The following CNTNAP2 variants were observed in gnomAD, a reference collection of about 807,000 sequenced individuals.
CNTNAP2 encodes the protein contactin associated protein 2, also known as contactin-associated protein-like 2.
In CNTNAP2, 98 loss-of-function variants were observed where a neutral mutation model predicts 155.2. That is an observed-to-expected ratio of 0.63 (90% confidence interval 0.54 to 0.75). CNTNAP2 has a LOEUF of 0.75. Ranked by LOEUF, CNTNAP2 falls within the 30% of genes least tolerant of loss-of-function variation. The pLI is 0.00. For synonymous variants in CNTNAP2, 651 were observed against 631.2 expected (o/e 1.03, Z -0.47); for missense variants, 1,727 against 1,688.1 (o/e 1.02, Z -0.40).
At chr7:146,147,409 A>G (rs1268569189) in intron 1 of CNTNAP2, among the ~76,000 whole-genome samples, 1 of 152,164 alleles carries the variant, frequency 6.6e-6, no homozygotes, top group South Asian at 2.1e-4. Context: ...AAAGGCCATT[A>G]TAGGTGGATG....
At chr7:147,426,737 G>T (rs780480658) in intron 10 of CNTNAP2, among the ~76,000 whole-genome samples, 3 of 152,156 alleles carry the variant, frequency 2.0e-5, no homozygotes, top group Admixed American at 6.5e-5. Context: ...ATCTGGGAAT[G>T]AATCTGCTTT....
intron 8 of CNTNAP2, among the ~76,000 whole-genome samples, chr7:147,201,652 A>T (rs1802924965): frequency 1.3e-5 from 2 of 152,164 alleles, no homozygotes; most frequent in African/African-American, 2.4e-5. Context: ...GTCACTGGGA[A>T]CTAATTGGAA....
chr7:148,077,168 G>A (rs184366909), intron 15 of CNTNAP2, among the ~76,000 whole-genome samples: 165 of 152,170 alleles, frequency 1.1e-3, no homozygotes, highest in Non-Finnish European at 2.1e-3. Context: ...TTAGCCAGGT[G>A]TGGGGGTACA....
chr7:147,748,750 G>A (rs1344063409), intron 13 of CNTNAP2, among the ~76,000 whole-genome samples: 3 of 152,180 alleles, frequency 2.0e-5, no homozygotes, highest in African/African-American at 4.8e-5. Context: ...TGGGTCCCAT[G>A]CCACTTCCTG....
chr7:148,278,014 C>A (rs887695192), intron 21 of CNTNAP2, among the ~76,000 whole-genome samples: 1 of 152,136 alleles, frequency 6.6e-6, no homozygotes, highest in Non-Finnish European at 1.5e-5. Flanking sequence ...CACGAGAGAA[C>A]AAGCCACTCA....
chr7:147,078,335 A>C (rs557335673), intron 4 of CNTNAP2, among the ~76,000 whole-genome samples: 57 of 152,334 alleles, frequency 3.7e-4, no homozygotes, highest in African/African-American at 1.3e-3. Context: ...CAAATTCAAT[A>C]CTTTTTTTGT....
At chr7:146,246,182 G>A (rs1025125055) in intron 1 of CNTNAP2, among the ~76,000 whole-genome samples, 3 of 151,594 alleles carry the variant, frequency 2.0e-5, no homozygotes, top group Non-Finnish European at 4.4e-5. Flanking sequence ...GGTAAGGGGT[G>A]CATGATCGGT....
intron 1 of CNTNAP2, among the ~76,000 whole-genome samples, chr7:146,482,823 A>G (rs982883090): frequency 6.6e-6 from 1 of 152,150 alleles, no homozygotes; most frequent in African/African-American, 2.4e-5. Flanking sequence ...GATTGAATAA[A>G]TAGATATCAT....
intron 8 of CNTNAP2, among the ~76,000 whole-genome samples, chr7:147,292,451 A>C (rs1584851076): frequency 6.6e-6 from 1 of 152,256 alleles, no homozygotes; most frequent in African/African-American, 2.4e-5. Flanking sequence ...TATTTTGAAT[A>C]TTTAAGGATT....
At chr7:146,732,327 T>A (rs182173603) in intron 1 of CNTNAP2, among the ~76,000 whole-genome samples, 6 of 152,298 alleles carry the variant, frequency 3.9e-5, no homozygotes, top group African/African-American at 1.4e-4. Context: ...CTTCACATGT[T>A]ATGACTTTGT....
chr7:148,195,974 T>G (rs1439880821), intron 18 of CNTNAP2, among the ~76,000 whole-genome samples: 1 of 152,244 alleles, frequency 6.6e-6, no homozygotes, highest in Non-Finnish European at 1.5e-5. Flanking sequence ...AGTGGGAATT[T>G]ATAAATGCCT....
intron 1 of CNTNAP2, among the ~76,000 whole-genome samples, chr7:146,544,318 A>C (rs1797996807): frequency 6.6e-6 from 1 of 151,890 alleles, no homozygotes; most frequent in African/African-American, 2.4e-5. Context: ...CTTCTTACCT[A>C]TTTAGGCATT....
At chr7:147,378,037 T>C (rs778188808) in intron 9 of CNTNAP2, 1 of 468,234 alleles carries the variant, frequency 2.1e-6, no homozygotes, top group African/African-American at 2.0e-5. Context: ...ATTAATATTG[T>C]TCCAAAAGTA....
At chr7:147,253,715 T>C (rs568434812) in intron 8 of CNTNAP2, among the ~76,000 whole-genome samples, 32 of 152,338 alleles carry the variant, frequency 2.1e-4, no homozygotes, top group Admixed American at 1.6e-3. Flanking sequence ...AGAGCCTTTC[T>C]TCCAGGCAGC....
chr7:147,438,309 T>C (rs1797584868), intron 10 of CNTNAP2, among the ~76,000 whole-genome samples: 1 of 152,054 alleles, frequency 6.6e-6, no homozygotes, highest in African/African-American at 2.4e-5. Context: ...TTTTGAGAGT[T>C]TTTATCATAA....
intron 10 of CNTNAP2, among the ~76,000 whole-genome samples, chr7:147,485,172 C>G (rs1467569410): frequency 6.6e-6 from 1 of 152,184 alleles, no homozygotes; most frequent in East Asian, 1.9e-4. Context: ...TATTGGCCCA[C>G]TATTTCCTGC....
chr7:147,078,975 T>A (rs1800055247), intron 4 of CNTNAP2, among the ~76,000 whole-genome samples: 1 of 152,260 alleles, frequency 6.6e-6, no homozygotes, highest in Admixed American at 6.5e-5. Context: ...GGTCTCGAAC[T>A]TCTGACCTCA....
intron 13 of CNTNAP2, among the ~76,000 whole-genome samples, chr7:147,770,424 T>C (rs1369474595): frequency 6.6e-6 from 1 of 152,180 alleles, no homozygotes; most frequent in Non-Finnish European, 1.5e-5. Flanking sequence ...GGATTTTTAG[T>C]TTCCAAAGAA....
At chr7:146,217,294 T>C (rs1185407563) in intron 1 of CNTNAP2, among the ~76,000 whole-genome samples, 1 of 152,234 alleles carries the variant, frequency 6.6e-6, no homozygotes, top group Non-Finnish European at 1.5e-5. Context: ...AAACATTACA[T>C]TGACTTATGA....
Sources: gnomAD v4.1 joint callset for allele counts (sites outside exome capture counted in the v4.1 genomes callset) on GRCh38, gnomAD v4.1.1 for gene constraint, MANE v1.5 for transcripts, NCBI Gene and HGNC (gene_info 2026-07-23, HGNC 2026-07-21) for gene names.